Variants in NTM observed in about 807,000 individuals in gnomAD.
NTM encodes the protein neurotrimin.
In NTM, 13 loss-of-function variants were observed where a neutral mutation model predicts 42.1. That is an observed-to-expected ratio of 0.31 (90% CI 0.20 to 0.49). NTM has a LOEUF of 0.49. Among genes scored for constraint, NTM ranks in the 20% least tolerant of loss-of-function variants. The probability of loss-of-function intolerance (pLI) is 0.99; values close to 1 mark genes in which losing one functional copy is unlikely to be tolerated. For missense variants in NTM, 373 were observed against 452.8 expected, an observed-to-expected ratio of 0.82 and a Z score of 1.60; for synonymous variants, 187 against 179.2, an observed-to-expected ratio of 1.04 and a Z score of -0.35.
intron 1 of NTM, among the ~76,000 whole-genome samples, chr11:131,563,906 G>A (rs999588605): frequency 1.3e-5 from 2 of 151,868 alleles, no homozygotes; most frequent in East Asian, 1.9e-4. Context: ...CCGTTCCTTC[G>A]CTGTTTTTAA....
chr11:132,281,551 G>A (rs1289331759), intron 4 of NTM, among the ~76,000 whole-genome samples: 1 of 152,144 alleles, frequency 6.6e-6, no homozygotes, highest in Non-Finnish European at 1.5e-5. Context: ...AATGACTGTG[G>A]GAGAACCTTC....
intron 1 of NTM, among the ~76,000 whole-genome samples, chr11:131,636,412 C>A (rs934893305): frequency 6.6e-6 from 1 of 152,176 alleles, no homozygotes; most frequent in South Asian, 2.1e-4. Flanking sequence ...GCGGAACCCT[C>A]GGAAACCAAA....
chr11:132,289,422 G>A (rs1239611542), intron 4 of NTM, among the ~76,000 whole-genome samples: 1 of 152,046 alleles, frequency 6.6e-6, no homozygotes, highest in African/African-American at 2.4e-5. Context: ...AGTGAACCTG[G>A]GACTTTATAC....
At chr11:131,884,080 T>A (rs763315247) in intron 1 of NTM, among the ~76,000 whole-genome samples, 2 of 152,182 alleles carry the variant, frequency 1.3e-5, no homozygotes, top group Non-Finnish European at 2.9e-5. Flanking sequence ...CCCTACAGAC[T>A]AGATGCTAGT....
intron 2 of NTM, among the ~76,000 whole-genome samples, chr11:131,972,062 A>AAAAAAAAAAAAAAAAAG: frequency 7.2e-6 from 1 of 139,666 alleles, no homozygotes; most frequent in African/African-American, 2.9e-5. Flanking sequence ...AAAAAAAAAA[A>AAAAAAAAAAAAAAAAAG]ATTAGCCAGG....
intron 1 of NTM, among the ~76,000 whole-genome samples, chr11:131,822,978 C>T (rs191782928): frequency 6.2e-4 from 95 of 152,296 alleles, no homozygotes; most frequent in Non-Finnish European, 1.2e-3. Context: ...CTGTCTCCCT[C>T]CCTTCCTCCT....
intron 1 of NTM, among the ~76,000 whole-genome samples, chr11:131,636,130 T>C (rs938771015): frequency 1.3e-5 from 2 of 152,130 alleles, no homozygotes; most frequent in Admixed American, 1.3e-4. Flanking sequence ...CCTCCTCCAT[T>C]TCTGCACGCC....
intron 2 of NTM, among the ~76,000 whole-genome samples, chr11:132,123,596 T>A (rs1307068176): frequency 6.6e-6 from 1 of 152,108 alleles, no homozygotes; most frequent in Admixed American, 6.6e-5. Flanking sequence ...GGAAATCCCC[T>A]GCCACTGGTC....
chr11:131,911,805 G>T (rs1277183837), intron 2 of NTM, among the ~76,000 whole-genome samples, 157 bp downstream of exon 2: 1 of 152,230 alleles, frequency 6.6e-6, no homozygotes. Context: ...GGCTCTGCCC[G>T]GGAATGTGGC....
intron 2 of NTM, among the ~76,000 whole-genome samples, chr11:132,104,055 G>T (rs2061959569): frequency 6.6e-6 from 1 of 152,212 alleles, no homozygotes; most frequent in African/African-American, 2.4e-5. Context: ...GAGTATATCT[G>T]ATGCAGACCG....
At chr11:132,162,554 G>T (rs1056109247) in intron 3 of NTM, among the ~76,000 whole-genome samples, 2 of 149,394 alleles carry the variant, frequency 1.3e-5, no homozygotes, top group African/African-American at 2.5e-5. Flanking sequence ...GCTTCTGTGC[G>T]TGAGGAGTGT....
intron 3 of NTM, among the ~76,000 whole-genome samples, chr11:132,187,889 A>C (rs993925357): frequency 1.3e-4 from 20 of 152,352 alleles, no homozygotes; most frequent in African/African-American, 4.8e-4. Context: ...AGTGATACGT[A>C]GGAGAAACTT....
At chr11:131,489,670 G>A (rs528835433) in intron 1 of NTM, among the ~76,000 whole-genome samples, 14 of 152,206 alleles carry the variant, frequency 9.2e-5, no homozygotes, top group Middle Eastern at 3.4e-3. Context: ...GGGCCCTTAC[G>A]TTTTCTTCAT....
At chr11:131,789,832 T>C (rs903813404) in intron 1 of NTM, among the ~76,000 whole-genome samples, 20 of 150,680 alleles carry the variant, frequency 1.3e-4, no homozygotes, top group Middle Eastern at 3.4e-3. Flanking sequence ...GGCGGGAGCC[T>C]GTAGTCCCAG....
intron 2 of NTM, among the ~76,000 whole-genome samples, chr11:132,055,898 T>C (rs2135968864): frequency 6.6e-6 from 1 of 152,316 alleles, no homozygotes; most frequent in South Asian, 2.1e-4. Flanking sequence ...AGATGACCTG[T>C]TTTAAGCATC....
At chr11:131,574,165 C>A (rs1176005404) in intron 1 of NTM, among the ~76,000 whole-genome samples, 5 of 152,064 alleles carry the variant, frequency 3.3e-5, no homozygotes, top group Non-Finnish European at 7.4e-5. Flanking sequence ...GCTGGCTCGG[C>A]CTTTGGAAAT....
chr11:132,133,842 C>T (rs1235912271), intron 2 of NTM, among the ~76,000 whole-genome samples: 2 of 152,108 alleles, frequency 1.3e-5, no homozygotes, highest in African/African-American at 4.8e-5. Context: ...TCCTGCCATT[C>T]GGCTCTGCTT....
At chr11:131,982,600 G>A (rs1345978732) in intron 2 of NTM, among the ~76,000 whole-genome samples, 1 of 152,020 alleles carries the variant, frequency 6.6e-6, no homozygotes, top group East Asian at 1.9e-4. Context: ...TAAAGCAAGT[G>A]TCACTGGAGA....
intron 1 of NTM, among the ~76,000 whole-genome samples, chr11:131,391,657 A>G (rs548166015): frequency 6.7e-6 from 1 of 149,852 alleles, no homozygotes; most frequent in Non-Finnish European, 1.5e-5. Context: ...AAAAAAAAAA[A>G]AAAAAAGAAA....
Sources: allele counts gnomAD v4.1 joint callset (sites outside exome capture counted in the v4.1 genomes callset), GRCh38; gene constraint gnomAD v4.1.1; transcripts MANE v1.5; gene names NCBI Gene and HGNC (gene_info 2026-07-23, HGNC 2026-07-21).